Variants in MED23 observed in about 807,000 individuals in gnomAD.
MED23 encodes the protein mediator complex subunit 23, also known as mediator of RNA polymerase II transcription subunit 23.
MED23 carries 105 observed loss-of-function variants against 163.9 expected under a neutral mutation model. The ratio of observed to expected loss-of-function variants is 0.64; its 90% confidence interval spans 0.55 to 0.75. The LOEUF (loss-of-function observed/expected upper bound fraction) is 0.75. MED23 is among the 30% of genes least tolerant of loss of function. The pLI is 0.00. For synonymous variants in MED23, 561 were observed against 565.6 expected, an observed-to-expected ratio of 0.99 and a Z score of 0.12; for missense variants, 1,054 against 1,649.0, an observed-to-expected ratio of 0.64 and a Z score of 6.25.
chr6:131,607,952 G>A lies in MED23; in HGVS notation c.1197C>T (p.Phe399=), dbSNP rs760782346. Residue 399 remains phenylalanine, a synonymous_variant, in exon 12 of 29, where the codon TTC becomes TTT. Coordinates refer to ENST00000368068, the MANE Select transcript of MED23 (RefSeq NM_004830.4). ...CTTCTTTTTCTGGGTATAGCAAGTC[G>A]AAGAGCTTCATCACAGGGAGAAAAT... The part of the protein sequence containing the change: ...LADFLPVMKL[F]DLLYPEKEYI... 57 of 1,613,782 alleles carry A rather than the reference G, an allele frequency of 3.5e-5. No individual in the cohort carries two copies. Among genetic ancestry groups the A allele is most frequent in the East Asian group, 8.9e-5 (4 of 44,818 alleles).
At chr6:131,584,816 T>C (rs1343445299), downstream of MED23, among the ~76,000 whole-genome samples, 4 of 134,042 alleles carry the variant, frequency 3.0e-5, no homozygotes, top group South Asian at 2.5e-4. Flanking sequence ...CTACAAAAAA[T>C]ACACACACAC....
At chr6:131,578,146 A>C (rs1302191157) in intron 30 of MED23, among the ~76,000 whole-genome samples, 1 of 151,054 alleles carries the variant, frequency 6.6e-6, no homozygotes, top group African/African-American at 2.4e-5. Flanking sequence ...AGTTAAAATT[A>C]GTGAGTTTTA....
intron 10 of MED23, chr6:131,615,210 T>A: frequency 8.3e-7 from 1 of 1,201,686 alleles, no homozygotes. Context: ...GGTCTCAGCA[T>A]GGTCCTGCCA....
At chr6:131,583,287 A>G, downstream of MED23, 1 of 1,610,244 alleles carries the variant, frequency 6.2e-7, no homozygotes, top group Non-Finnish European at 8.5e-7. Context: ...AAACAAGTTA[A>G]CAGATTATTA....
chr6:131,600,227 A>C, intron 17 of MED23, 65 bp from the exon 18 acceptor site: 2 of 1,432,332 alleles, frequency 1.4e-6, no homozygotes, highest in Admixed American at 3.5e-5. Flanking sequence ...ATAAAAGATT[A>C]TAGCGAAAAT....
intron 30 of MED23, among the ~76,000 whole-genome samples, chr6:131,580,001 C>G (rs1045212335): frequency 1.3e-5 from 2 of 152,090 alleles, no homozygotes; most frequent in Non-Finnish European, 2.9e-5. Context: ...GGGGTTACAT[C>G]GCTATATACG....
rs1774820543 is a variant in MED23, at chr6:131,593,661, T to A, written c.3232+438A>T. ...CAAAATGAAGAAATAAACATCCAAG[T>A]ATATTTTCACTAAAATATACCTTTT... On this transcript the variant is annotated intron_variant, in intron 23 of 28. Transcript: ENST00000368068. 1.3e-5 allele frequency among the ~76,000 whole-genome samples: 2 copies of A among 152,256 alleles called. 1 individual carries two copies. The highest frequency in any genetic ancestry group is 4.1e-4 in the South Asian group (2 of 4,830).
At chr6:131,623,506 T>G in intron 4 of MED23, 44 bp from the exon 5 acceptor site, 1 of 1,518,370 alleles carries the variant, frequency 6.6e-7, no homozygotes, top group South Asian at 1.1e-5. Context: ...GACAGAATTT[T>G]CCAAGTTCTC....
At chr6:131,583,056 A>T (rs776413696), downstream of MED23, 1 of 1,603,630 alleles carries the variant, frequency 6.2e-7, no homozygotes, top group Non-Finnish European at 8.5e-7. Flanking sequence ...TTTCTCTTTT[A>T]TAGCTACATT....
chr6:131,578,944 A>G (rs1773771568), intron 30 of MED23: 4 of 712,596 alleles, frequency 5.6e-6, no homozygotes, highest in African/African-American at 3.6e-5. Flanking sequence ...CATGACGTCA[A>G]GCAAAAGCAG....
Position 131,610,073 on chromosome 6 carries a change from T to C in MED23, c.1050A>G (p.Pro350=). The C allele has an allele frequency of 6.2e-7, 1 of 1,613,950 alleles. No individual in the cohort carries two copies. The highest frequency in any genetic ancestry group is 8.5e-7 in the Non-Finnish European group (1 of 1,179,900). ...TCTGATGAAGAGAAAGCACCATATG[T>C]GGAAAACTTGCAAACTGGAAAAGCA... ...FFVLFQFASF[P]HMVLSLHQKL... The change falls in exon 11 of 29, where the codon CCA becomes CCG. Residue 350 remains proline, a synonymous_variant. Coordinates refer to ENST00000368068, the MANE Select transcript of MED23 (RefSeq NM_004830.4).
At chr6:131,580,961 T>C (rs1490132861) in intron 30 of MED23, among the ~76,000 whole-genome samples, 1 of 152,222 alleles carries the variant, frequency 6.6e-6, no homozygotes, top group Non-Finnish European at 1.5e-5. Flanking sequence ...GTGGTTTTCT[T>C]ACAAGGTGGA....
In MED23 at chr6:131,605,438, T is replaced by C; in HGVS notation, c.1415A>G (p.Tyr472Cys). ...LRNKSLQMND[Y>C]KIALLCNAYS... ...TGCATTACACAATAGAGCAATCTTA[T>C]AGTCATTCATCTGTAAACTTTTATT... The change falls in exon 14 of 29, where the codon TAT becomes TGT. Residue 472 changes from tyrosine (Y) to cysteine (C), a missense_variant. By Grantham distance (194) the Tyr-to-Cys change is radical (BLOSUM62 -2). This residue lies in a region of MED23 where 39 missense variants were observed against 50.5 expected (regional missense o/e 0.77). Transcript: ENST00000368068. 2 of 1,609,734 alleles carry C rather than the reference T, an allele frequency of 1.2e-6. No individual in the cohort carries two copies. The highest frequency in any genetic ancestry group is 1.7e-6 in the Non-Finnish European group (2 of 1,177,148).
Position 131,592,368 on chromosome 6 carries a change from A to G in MED23, c.3471+20T>C, listed in dbSNP as rs1031404979. On this transcript the variant is annotated intron_variant, in intron 25 of 28. Transcript: ENST00000368068. Reference sequence around the variant, plus strand: ...TGGCTGTATTTCATCACTAAGTACAAATCACAATTATTAACTCACTGGTAG... The same window carrying G: ...TGGCTGTATTTCATCACTAAGTACAGATCACAATTATTAACTCACTGGTAG... 1 of 1,608,388 alleles carries G rather than the reference A, an allele frequency of 6.2e-7. No homozygotes were observed. The highest frequency in any genetic ancestry group is 1.7e-5 in the Admixed American group (1 of 60,020).
At chr6:131,578,767 A>G (rs1773760617) in intron 30 of MED23, among the ~76,000 whole-genome samples, 1 of 152,098 alleles carries the variant, frequency 6.6e-6, no homozygotes, top group Non-Finnish European at 1.5e-5. Flanking sequence ...AAAAGCACAT[A>G]AGCAGAGAGA....
intron 9 of MED23, among the ~76,000 whole-genome samples, chr6:131,616,535 T>C (rs1406332736): frequency 6.6e-6 from 1 of 152,164 alleles, no homozygotes; most frequent in African/African-American, 2.4e-5. Context: ...TAAATAGTAC[T>C]AGGCCAGGCA....
At chr6:131,581,280 G>A (rs780157621) in intron 30 of MED23, 1 of 1,613,956 alleles carries the variant, frequency 6.2e-7, no homozygotes, top group South Asian at 1.1e-5. Context: ...AGTCATCTGG[G>A]TGGATGCTCA....
At chr6:131,627,338 A>G (rs1316324159) in intron 3 of MED23, 58 bp downstream of exon 3, 1 of 1,266,054 alleles carries the variant, frequency 7.9e-7, no homozygotes, top group African/African-American at 1.5e-5. Context: ...AGAAAAAAAA[A>G]AAAAAAAAGA....
At chr6:131,595,681 A>T (rs547962834) in intron 22 of MED23, among the ~76,000 whole-genome samples, 93 of 152,290 alleles carry the variant, frequency 6.1e-4, no homozygotes, top group African/African-American at 2.1e-3. Flanking sequence ...GGATGCATCA[A>T]GTCCAAATCC....
Sources: allele counts gnomAD v4.1 joint callset (sites outside exome capture counted in the v4.1 genomes callset), GRCh38; gene constraint gnomAD v4.1.1; regional missense constraint gnomAD v4.1.1; transcripts MANE v1.5; gene names NCBI Gene and HGNC (gene_info 2026-07-23, HGNC 2026-07-21).